Variants in BORCS5 observed in about 807,000 individuals in gnomAD.
The protein encoded by BORCS5 is BLOC-1-related complex subunit 5.
In BORCS5, 17 loss-of-function variants were observed where a neutral mutation model predicts 22.1. The observed-to-expected ratio is 0.77, with a 90% CI of 0.53 to 1.15. The LOEUF is 1.15. Ranked by LOEUF, BORCS5 falls within the 50% of genes most tolerant of loss-of-function variation. The pLI, the probability that BORCS5 is intolerant of heterozygous loss-of-function variation, is 0.00. For missense variants in BORCS5, 247 were observed against 253.2 expected (o/e 0.98, Z 0.17); for synonymous variants, 117 against 99.8 (o/e 1.17, Z -1.03).
In BORCS5 at chr12:12,470,307, A is replaced by T. The variant is rs889038547; in HGVS notation, c.*4531A>T. The stretch of plus-strand genomic sequence containing the variant: ...CAGGTCTCAAACTCCTGACCTCGTG[A>T]TCTGCCCGACTTGGCCTCCCAAAGT... On this transcript the variant is annotated 3_prime_UTR_variant, in exon 4 of 4. Transcript: ENST00000314565. Among the ~76,000 whole-genome samples, 1 of 152,050 alleles carries T rather than the reference A, an allele frequency of 6.6e-6. No homozygotes were observed. The highest frequency in any genetic ancestry group is 1.5e-5 in the Non-Finnish European group (1 of 68,006).
In BORCS5 at chr12:12,450,637, T is replaced by G. The variant is rs1262501686; in HGVS notation, c.360+14852T>G. On this transcript the variant is annotated intron_variant, in intron 3 of 3. Coordinates refer to ENST00000314565, the MANE Select transcript of BORCS5 (RefSeq NM_058169.6). The stretch of plus-strand genomic sequence containing the variant: ...ATTAAACACACTGCTCAACATGGTA[T>G]GTATTTAATTGAAATGAGCTGACTT... 5.3e-5 allele frequency among the ~76,000 whole-genome samples: 8 copies of G among 152,350 alleles called. No homozygotes were observed. In the East Asian group the frequency reaches 1.5e-3, roughly 29 times the overall value.
At chr12:12,448,538 T>C (rs928882395) in intron 3 of BORCS5, among the ~76,000 whole-genome samples, 2 of 151,396 alleles carry the variant, frequency 1.3e-5, no homozygotes, top group African/African-American at 4.9e-5. Flanking sequence ...TTTTTTTTTT[T>C]TTTCTTTTTT....
intron 2 of BORCS5, among the ~76,000 whole-genome samples, chr12:12,375,705 G>A (rs567785887): frequency 3.8e-4 from 58 of 152,316 alleles, no homozygotes; most frequent in Admixed American, 2.0e-3. Flanking sequence ...GAAAGCCAGT[G>A]AAATGCAAAG....
intron 2 of BORCS5, among the ~76,000 whole-genome samples, chr12:12,414,423 G>T (rs1404679825): frequency 2.0e-5 from 2 of 100,582 alleles, no homozygotes; most frequent in East Asian, 5.8e-4. Context: ...GCGGCTGGCC[G>T]GGCGGGGGGC....
At chr12:12,358,722 CAGATAAAGTAGT>C (rs1297076681) in intron 1 of BORCS5, among the ~76,000 whole-genome samples, 1 of 152,186 alleles carries the variant, frequency 6.6e-6, no homozygotes, top group Non-Finnish European at 1.5e-5. Context: ...TCCCATTTTA[CAGATAAAGTAGT>C]AGAGGTTAGC....
At chr12:12,428,922 A>G (rs1942354845) in intron 2 of BORCS5, among the ~76,000 whole-genome samples, 1 of 152,216 alleles carries the variant, frequency 6.6e-6, no homozygotes, top group African/African-American at 2.4e-5. Flanking sequence ...TTATAAAACT[A>G]TACAAAAAAT....
intron 3 of BORCS5, among the ~76,000 whole-genome samples, chr12:12,448,998 C>T (rs1942849829): frequency 6.6e-6 from 1 of 152,200 alleles, no homozygotes; most frequent in Non-Finnish European, 1.5e-5. Context: ...TTTAAAATAG[C>T]CCTGAAGACC....
chr12:12,365,172 T>C (rs963798611), intron 2 of BORCS5, among the ~76,000 whole-genome samples: 3 of 152,016 alleles, frequency 2.0e-5, no homozygotes, highest in African/African-American at 4.8e-5. Flanking sequence ...GGAGGAAGGC[T>C]AGTAAGGAGC....
intron 2 of BORCS5, 85 bp downstream of exon 2, chr12:12,361,434 T>G (rs1863284482): frequency 6.8e-7 from 1 of 1,466,652 alleles, no homozygotes; most frequent in Admixed American, 1.7e-5. Flanking sequence ...TCCATGTATC[T>G]TGCTCTCTCA....
intron 2 of BORCS5, among the ~76,000 whole-genome samples, chr12:12,388,627 A>G (rs1195203849): frequency 6.6e-6 from 1 of 150,930 alleles, no homozygotes. Flanking sequence ...AGGCATGAAT[A>G]ATTAATGAAA....
chr12:12,374,573 G>A (rs970151504), intron 2 of BORCS5, among the ~76,000 whole-genome samples: 1 of 152,000 alleles, frequency 6.6e-6, no homozygotes, highest in African/African-American at 2.4e-5. Flanking sequence ...CTGGGAGGTC[G>A]AGCGGTGTTC....
intron 2 of BORCS5, among the ~76,000 whole-genome samples, chr12:12,409,315 T>C (rs1329047970): frequency 6.6e-6 from 1 of 152,106 alleles, no homozygotes; most frequent in Admixed American, 6.5e-5. Context: ...TGGTGTGCTG[T>C]ACCCATTAAC....
intron 3 of BORCS5, among the ~76,000 whole-genome samples, chr12:12,463,654 C>T (rs894121877): frequency 1.3e-5 from 2 of 152,204 alleles, no homozygotes; most frequent in African/African-American, 4.8e-5. Flanking sequence ...TGTTTGAACT[C>T]AGTGTGCTCA....
At chr12:12,456,576 G>C (rs1272512621) in intron 3 of BORCS5, among the ~76,000 whole-genome samples, 4 of 152,126 alleles carry the variant, frequency 2.6e-5, no homozygotes, top group South Asian at 2.1e-4. Context: ...ATTTATTAAA[G>C]CTTTTGGTTT....
At chr12:12,406,900 G>C (rs1363439230) in intron 2 of BORCS5, among the ~76,000 whole-genome samples, 2 of 152,088 alleles carry the variant, frequency 1.3e-5, no homozygotes, top group East Asian at 3.8e-4. Flanking sequence ...GCTTTGTCTG[G>C]AAAGCTAAGG....
chr12:12,416,779 CTTTTTTTTTT>C (rs36106735), intron 2 of BORCS5, among the ~76,000 whole-genome samples: 1 of 112,216 alleles, frequency 8.9e-6, no homozygotes, highest in Non-Finnish European at 1.8e-5. Context: ...TTAATGTAAA[CTTTTTTTTTT>C]TTTTTTTTTT....
chr12:12,407,702 C>CT (rs201404558), intron 2 of BORCS5, among the ~76,000 whole-genome samples: 5,802 of 141,562 alleles, frequency 0.041, 300 homozygotes, highest in African/African-American at 0.1. Context: ...TTTTACTATT[C>CT]TTTTTGTTTT....
intron 2 of BORCS5, among the ~76,000 whole-genome samples, chr12:12,400,589 GAAA>G (rs34678519): frequency 7.2e-5 from 10 of 138,820 alleles, no homozygotes; most frequent in African/African-American, 2.1e-4. Flanking sequence ...TCAGCATACA[GAAA>G]AAAAAAAAAA....
intron 2 of BORCS5, among the ~76,000 whole-genome samples, chr12:12,377,241 G>C (rs1265836902): frequency 6.7e-6 from 1 of 149,722 alleles, no homozygotes; most frequent in Non-Finnish European, 1.5e-5. Flanking sequence ...GCAGTGGTGT[G>C]ATCTTGGCTC....
Sources: gnomAD v4.1 joint callset for allele counts (sites outside exome capture counted in the v4.1 genomes callset) on GRCh38, gnomAD v4.1.1 for gene constraint, MANE v1.5 for transcripts, NCBI Gene and HGNC (gene_info 2026-07-23, HGNC 2026-07-21) for gene names.